Variants in CSNK2A2IP observed in about 807,000 individuals in gnomAD.
The protein encoded by CSNK2A2IP is casein kinase 2 subunit alpha' interacting protein, also known as casein kinase II subunit alpha'-interacting protein.
At chr3:88,466,205 T>C in the CSNK2A2IP span, 5 of 1,231,666 alleles carry the variant, frequency 4.1e-6, no homozygotes, top group Non-Finnish European at 5.1e-6. Flanking sequence ...AAAACACCTA[T>C]ATTGAACTCT....
the CSNK2A2IP span, among the ~76,000 whole-genome samples, chr3:88,392,016 T>C: frequency 6.6e-6 from 1 of 152,026 alleles, no homozygotes; most frequent in South Asian, 2.1e-4. Context: ...TGGAAGAAAA[T>C]AGGTAGAACC....
chr3:88,453,048 G>A, the CSNK2A2IP span, among the ~76,000 whole-genome samples: 1 of 152,072 alleles, frequency 6.6e-6, no homozygotes, highest in Non-Finnish European at 1.5e-5. Flanking sequence ...TGAGCTTGAC[G>A]AGGCAGAAAT....
chr3:88,460,720 T>G, the CSNK2A2IP span, among the ~76,000 whole-genome samples: 3 of 152,210 alleles, frequency 2.0e-5, no homozygotes, highest in Admixed American at 2.0e-4. Context: ...GCTCCAACTC[T>G]CTACCTCCTC....
chr3:88,381,566 G>A, the CSNK2A2IP span, among the ~76,000 whole-genome samples: 2 of 152,200 alleles, frequency 1.3e-5, no homozygotes, highest in Non-Finnish European at 2.9e-5. Context: ...TAGCCTTGAT[G>A]CTGTTATGTG....
At chr3:88,450,365 G>GT in the CSNK2A2IP span, among the ~76,000 whole-genome samples, 3 of 151,930 alleles carry the variant, frequency 2.0e-5, no homozygotes, top group Non-Finnish European at 4.4e-5. Flanking sequence ...GCACAGTTTC[G>GT]TTACTTATAA....
the CSNK2A2IP span, among the ~76,000 whole-genome samples, chr3:88,398,335 G>A: frequency 1.2e-4 from 18 of 152,004 alleles, no homozygotes; most frequent in African/African-American, 4.3e-4. Flanking sequence ...CCATGCTTCT[G>A]TTTTATCATG....
the CSNK2A2IP span, among the ~76,000 whole-genome samples, chr3:88,374,839 A>G: frequency 6.6e-6 from 1 of 151,766 alleles, no homozygotes. Context: ...TAAAGTATAT[A>G]GAAGTTATTC....
At chr3:88,466,723 A>G in the CSNK2A2IP span, 1 of 1,053,408 alleles carries the variant, frequency 9.5e-7, no homozygotes, top group East Asian at 3.2e-5. Flanking sequence ...TTTGTTTAGA[A>G]GGATGAGGGG....
the CSNK2A2IP span, among the ~76,000 whole-genome samples, chr3:88,459,570 A>G: frequency 4.6e-5 from 7 of 151,998 alleles, no homozygotes; most frequent in African/African-American, 1.7e-4. Flanking sequence ...TCTTTAATAC[A>G]TTGGCCAGAT....
the CSNK2A2IP span, among the ~76,000 whole-genome samples, chr3:88,393,501 C>T: frequency 1.3e-5 from 2 of 151,890 alleles, no homozygotes; most frequent in Non-Finnish European, 2.9e-5. Context: ...CAGAGTGGAT[C>T]GATATAGATA....
the CSNK2A2IP span, among the ~76,000 whole-genome samples, chr3:88,364,906 G>T: frequency 1.5e-3 from 224 of 152,240 alleles, no homozygotes; most frequent in Non-Finnish European, 2.4e-3. Flanking sequence ...CACCTACAAT[G>T]TGCCACACCT....
chr3:88,434,173 G>A, the CSNK2A2IP span, among the ~76,000 whole-genome samples: 2 of 152,010 alleles, frequency 1.3e-5, no homozygotes, highest in Non-Finnish European at 2.9e-5. Context: ...GAAGTTGATG[G>A]CCATCACAAA....
the CSNK2A2IP span, among the ~76,000 whole-genome samples, chr3:88,343,847 T>C: frequency 6.6e-6 from 1 of 151,920 alleles, no homozygotes; most frequent in Non-Finnish European, 1.5e-5. Flanking sequence ...AAAGCTAACT[T>C]GATTATGGTA....
the CSNK2A2IP span, among the ~76,000 whole-genome samples, chr3:88,346,573 A>T: frequency 6.6e-6 from 1 of 152,146 alleles, no homozygotes; most frequent in Middle Eastern, 3.4e-3. Context: ...TAGAAATGGA[A>T]CAACAAAGAA....
At chr3:88,396,164 G>A in the CSNK2A2IP span, among the ~76,000 whole-genome samples, 1 of 149,054 alleles carries the variant, frequency 6.7e-6, no homozygotes, top group Admixed American at 6.7e-5. Context: ...GAGTGCAGTG[G>A]CGCAATCTCG....
the CSNK2A2IP span, among the ~76,000 whole-genome samples, chr3:88,376,456 T>C: frequency 6.6e-6 from 1 of 151,792 alleles, no homozygotes; most frequent in Non-Finnish European, 1.5e-5. Context: ...GATCTTCACC[T>C]ATCTTCATCA....
the CSNK2A2IP span, among the ~76,000 whole-genome samples, chr3:88,370,294 A>C: frequency 6.6e-6 from 1 of 151,888 alleles, no homozygotes; most frequent in African/African-American, 2.4e-5. Flanking sequence ...TAAAAGGAAA[A>C]ATTAGAAACA....
At chr3:88,442,465 G>A in the CSNK2A2IP span, among the ~76,000 whole-genome samples, 1 of 152,204 alleles carries the variant, frequency 6.6e-6, no homozygotes, top group African/African-American at 2.4e-5. Flanking sequence ...ACTGAATAGA[G>A]TTATGAGAGA....
chr3:88,378,351 A>C, the CSNK2A2IP span, among the ~76,000 whole-genome samples: 5 of 151,888 alleles, frequency 3.3e-5, no homozygotes, highest in South Asian at 1.0e-3. Flanking sequence ...AATACATCAA[A>C]ATTCTGTCTT....
Sources: allele counts gnomAD v4.1 joint callset (sites outside exome capture counted in the v4.1 genomes callset), GRCh38; gene constraint gnomAD v4.1.1; transcripts MANE v1.5; gene names NCBI Gene and HGNC (gene_info 2026-07-23, HGNC 2026-07-21).